ALDH18A1: variants seen among roughly 807,000 people sequenced by gnomAD.
ALDH18A1 encodes aldehyde dehydrogenase 18 family member A1.
Under a neutral mutation model 88.8 loss-of-function variants are expected in ALDH18A1, and 44 were observed. The observed-to-expected ratio is 0.50, with a 90% CI of 0.39 to 0.64. The LOEUF (loss-of-function observed/expected upper bound fraction) is 0.64. Ranked by LOEUF, ALDH18A1 falls within the 30% of genes least tolerant of loss-of-function variation. The pLI is 0.00. For synonymous variants in ALDH18A1, 331 were observed against 372.1 expected, an observed-to-expected ratio of 0.89 and a Z score of 1.27; for missense variants, 782 against 1,009.5, an observed-to-expected ratio of 0.77 and a Z score of 3.05.
At chr10:95,628,306 A>G in intron 8 of ALDH18A1, 62 bp downstream of exon 8, 3 of 1,610,636 alleles carry the variant, frequency 1.9e-6, no homozygotes, top group Non-Finnish European at 2.5e-6. Flanking sequence ...CAAAAGTAAA[A>G]AGGATACAAT....
At chr10:95,648,320 TTCA>T (rs56238714) in intron 2 of ALDH18A1, among the ~76,000 whole-genome samples, 20,560 of 150,642 alleles carry the variant, frequency 0.14, 1,739 homozygotes, top group South Asian at 0.24. Flanking sequence ...ATATTCTACC[TTCA>T]TCATCATCAT....
rs762271422 is a variant in ALDH18A1, at chr10:95,606,919, G to A, written c.2231C>T (p.Ser744Leu). ...GLGAEVGISTSRIHARGPVGL... is the reference protein window; with the variant it reads ...GLGAEVGISTLRIHARGPVGL... The stretch of plus-strand genomic sequence containing the variant: ...TACTGGTCCCCGGGCGTGGATTCTC[G>A]ATGTACTGATTCCCACTTCAGCTCC... The change falls in exon 18 of 18, where the codon TCG becomes TTG. Residue 744 changes from serine (S) to leucine (L), a missense_variant. Transcript: ENST00000371224. 5.0e-6 allele frequency: 8 copies of A among 1,613,950 alleles called. No individual in the cohort carries two copies. Among genetic ancestry groups the A allele is most frequent in the East Asian group, 2.2e-5 (1 of 44,898 alleles).
chr10:95,649,989 G>C (rs1198231727), intron 2 of ALDH18A1, among the ~76,000 whole-genome samples: 1 of 152,118 alleles, frequency 6.6e-6, no homozygotes, highest in African/African-American at 2.4e-5. Context: ...GAGCCCTGGA[G>C]GTTGAGGCTG....
In ALDH18A1 at chr10:95,606,390, T is replaced by C; in HGVS notation, c.*372A>G. The C allele has an allele frequency of 9.5e-7, 1 of 1,050,264 alleles. No homozygotes were observed. The highest frequency in any genetic ancestry group is 3.7e-5 in the South Asian group (1 of 27,284). The allele number at this position is 1,050,264 out of a possible 1,614,324, so 65.1% of individuals were successfully genotyped here. A position where few individuals can be genotyped will look rare whatever the true frequency, so the allele number is the denominator to read the frequency against. On this transcript the variant is annotated 3_prime_UTR_variant, in exon 18 of 18. Transcript: ENST00000371224. ...AAAATGTGAAAAGATTTGTTAAGGA[T>C]GACTGGCTCTAGTACCAACTAAATG...
intron 17 of ALDH18A1, among the ~76,000 whole-genome samples, chr10:95,608,105 T>A (rs2097826202): frequency 6.6e-6 from 1 of 152,230 alleles, no homozygotes; most frequent in Non-Finnish European, 1.5e-5. Flanking sequence ...GGGAATGTAG[T>A]AAATGCTCAG....
At chr10:95,607,907 G>C (rs928244903) in intron 17 of ALDH18A1, among the ~76,000 whole-genome samples, 8 of 152,154 alleles carry the variant, frequency 5.3e-5, no homozygotes, top group Non-Finnish European at 1.2e-4. Context: ...GATGTGCTTG[G>C]GGTAGTGGTT....
chr10:95,615,536 A>T (rs897043697), intron 13 of ALDH18A1, among the ~76,000 whole-genome samples: 3 of 152,140 alleles, frequency 2.0e-5, no homozygotes, highest in Non-Finnish European at 4.4e-5. Context: ...GGATCTGTAT[A>T]CTTTACTGTA....
chr10:95,633,132 G>T, intron 6 of ALDH18A1, 83 bp from the exon 7 acceptor site: 3 of 1,274,852 alleles, frequency 2.4e-6, no homozygotes, highest in Non-Finnish European at 3.4e-6. Flanking sequence ...CCAAGCTCAG[G>T]CAAAACCAAG....
rs960367311 is a variant in ALDH18A1, at chr10:95,606,689, G to A, written c.*73C>T. 1.1e-4 allele frequency: 172 copies of A among 1,612,460 alleles called. 1 individual carries two copies. The highest frequency in any genetic ancestry group is 1.3e-4 in the Non-Finnish European group (154 of 1,179,742). On this transcript the variant is annotated 3_prime_UTR_variant, in exon 18 of 18. Transcript: ENST00000371224. Reference sequence around the variant, plus strand: ...CTACCAGGAACTGGGAGACAAGAGCGGGCTCTCTCCTGAGATAAGACAAGT... The same window carrying A: ...CTACCAGGAACTGGGAGACAAGAGCAGGCTCTCTCCTGAGATAAGACAAGT...
intron 9 of ALDH18A1, 93 bp from the exon 10 acceptor site, chr10:95,626,869 C>T: frequency 7.8e-7 from 1 of 1,275,378 alleles, no homozygotes; most frequent in Non-Finnish European, 1.1e-6. Flanking sequence ...CATGCACAAG[C>T]TCATCACGCC....
Position 95,621,228 on chromosome 10 carries a change from T to G in ALDH18A1, c.1270A>C (p.Lys424Gln), listed in dbSNP as rs765958522. Reference sequence around the variant, plus strand: ...TTGGATGTGGAGAGGCTTAAACGTTTCAGCAGAGGAGCTGCAAGTCTCCCT... The same window carrying G: ...TTGGATGTGGAGAGGCTTAAACGTTGCAGCAGAGGAGCTGCAAGTCTCCCT... ...AEGRLAAPLL[K>Q]RLSLSTSKLN... Residue 424 changes from lysine (K) to glutamine (Q), a missense_variant, in exon 12 of 18, where the codon AAA (lysine) becomes CAA (glutamine). By Grantham distance (53) the Lys-to-Gln change is moderately conservative (BLOSUM62 1). This residue lies in a region of ALDH18A1 where 556 missense variants were observed against 654.5 expected (regional missense o/e 0.85). Coordinates refer to ENST00000371224, the MANE Select transcript of ALDH18A1 (RefSeq NM_002860.4). 6.2e-7 allele frequency: 1 copy of G among 1,613,426 alleles called. No individual in the cohort carries two copies. Among genetic ancestry groups the G allele is most frequent in the East Asian group, 2.2e-5 (1 of 44,862 alleles).
chr10:95,640,792 G>C (rs1449635666), intron 3 of ALDH18A1, among the ~76,000 whole-genome samples: 4 of 152,152 alleles, frequency 2.6e-5, no homozygotes, highest in Non-Finnish European at 5.9e-5. Context: ...CGCAGCCCTA[G>C]AAAGAAAGCT....
At position 95,614,171 on chromosome 10, in the gene ALDH18A1, GA is replaced by G; in HGVS notation, c.1606-11del. 7 of 1,613,424 alleles carry G rather than the reference GA, an allele frequency of 4.3e-6. No homozygotes were observed. The highest frequency in any genetic ancestry group is 5.1e-6 in the Non-Finnish European group (6 of 1,179,772). ...CTTCTCTGGTATTCACCTTTAGAAG[GA>G]AAGAAGAAAAAGATAAAGATGACAT... On this transcript the variant is annotated splice_polypyrimidine_tract_variant and intron_variant, in intron 13 of 17. Coordinates refer to ENST00000371224, the MANE Select transcript of ALDH18A1 (RefSeq NM_002860.4).
intron 7 of ALDH18A1, among the ~76,000 whole-genome samples, chr10:95,631,753 A>C (rs963202237): frequency 2.6e-5 from 4 of 151,542 alleles, no homozygotes; most frequent in South Asian, 2.1e-4. Context: ...AAAAAAAAAA[A>C]AAAAAAAAAA....
intron 1 of ALDH18A1, among the ~76,000 whole-genome samples, chr10:95,653,809 A>G (rs1045564931): frequency 3.9e-5 from 6 of 152,186 alleles, no homozygotes; most frequent in Admixed American, 3.3e-4. Flanking sequence ...ACATCTCCCA[A>G]CAGAACCAGG....
In ALDH18A1 at chr10:95,616,492, C is replaced by T. The variant is rs758505734; in HGVS notation, c.1590G>A (p.Lys530=). 6 of 1,569,222 alleles carry T rather than the reference C, an allele frequency of 3.8e-6. No individual in the cohort carries two copies. The highest frequency in any genetic ancestry group is 3.8e-5 in the Admixed American group (2 of 52,504). Residue 530 remains lysine, a synonymous_variant, in exon 13 of 18, where the codon AAG becomes AAA. Transcript: ENST00000371224. The stretch of plus-strand genomic sequence containing the variant: ...AGGGACCTACCAGTTGCACGGCCTC[C>T]TTGACTCCATGGATTGAGAGAGCCT... ...TQEALSIHGV[K]EAVQLVNTRE...
At chr10:95,630,091 T>C (rs556124856) in intron 7 of ALDH18A1, among the ~76,000 whole-genome samples, 26 of 145,828 alleles carry the variant, frequency 1.8e-4, no homozygotes, top group Admixed American at 2.1e-4. Context: ...TAAATTAAAC[T>C]AAAAAAAATA....
chr10:95,628,096 G>C (rs1244709186), intron 8 of ALDH18A1, among the ~76,000 whole-genome samples: 1 of 152,148 alleles, frequency 6.6e-6, no homozygotes. Flanking sequence ...AGAGATTTAT[G>C]AATTATGAAA....
Position 95,627,594 on chromosome 10 carries a change from G to A in ALDH18A1, c.934-8C>T. 1 of 1,613,950 alleles carries A rather than the reference G, an allele frequency of 6.2e-7. No individual in the cohort carries two copies. The highest frequency in any genetic ancestry group is 8.5e-7 in the Non-Finnish European group (1 of 1,179,872). The stretch of plus-strand genomic sequence containing the variant: ...CCAGAGGGCTGCTTTCACCTAATGA[G>A]ACAGGTTAGATCCAGTAAAGATGAG... On this transcript the variant is annotated splice_region_variant and splice_polypyrimidine_tract_variant and intron_variant, in intron 8 of 17. Transcript: ENST00000371224.
Sources: allele counts gnomAD v4.1 joint callset (sites outside exome capture counted in the v4.1 genomes callset), GRCh38; gene constraint gnomAD v4.1.1; regional missense constraint gnomAD v4.1.1; transcripts MANE v1.5; gene names NCBI Gene and HGNC (gene_info 2026-07-23, HGNC 2026-07-21).